EXOC6: variants seen among roughly 807,000 people sequenced by gnomAD.
EXOC6 encodes exocyst complex component 6.
Under a neutral mutation model 112.5 loss-of-function variants are expected in EXOC6, and 60 were observed. That is an observed-to-expected ratio of 0.53 (90% CI 0.43 to 0.66). The LOEUF (loss-of-function observed/expected upper bound fraction) is 0.66. Among genes scored for constraint, EXOC6 ranks in the 30% least tolerant of loss-of-function variants. The pLI, the probability that EXOC6 is intolerant of heterozygous loss-of-function variation, is 0.00. For synonymous variants in EXOC6, 295 were observed against 308.0 expected (o/e 0.96, Z 0.44); for missense variants, 855 against 957.1 (o/e 0.89, Z 1.41).
chr10:92,928,321 C>T lies in EXOC6; in HGVS notation c.889-18C>T, dbSNP rs1413577399. The T allele has an allele frequency of 2.1e-5, 32 of 1,512,568 alleles. No homozygotes were observed. Among genetic ancestry groups the T allele is most frequent in the Non-Finnish European group, 2.8e-5 (31 of 1,092,462 alleles). The allele number at this position is 1,512,568 out of a possible 1,614,324, so 93.7% of individuals were successfully genotyped here. On this transcript the variant is annotated intron_variant, in intron 8 of 21. Transcript: ENST00000260762. ...GTGTGTATGTGTATTTTTCATTACT[C>T]TGCTGATTTTATTTTAGGGTGACGA...
intron 1 of EXOC6, among the ~76,000 whole-genome samples, chr10:92,855,439 G>A (rs1847553995): frequency 6.6e-6 from 1 of 152,086 alleles, no homozygotes; most frequent in Admixed American, 6.5e-5. Flanking sequence ...AATGAGTTAG[G>A]AAGTGTTCGC....
At chr10:92,976,049 G>T (rs866244178) in intron 18 of EXOC6, among the ~76,000 whole-genome samples, 2 of 123,574 alleles carry the variant, frequency 1.6e-5, no homozygotes, top group South Asian at 2.8e-4. Context: ...GGGAGGTGGG[G>T]GGGGGGGTCA....
At chr10:92,967,998 C>T (rs1020592782) in intron 17 of EXOC6, among the ~76,000 whole-genome samples, 4 of 152,028 alleles carry the variant, frequency 2.6e-5, no homozygotes, top group African/African-American at 9.7e-5. Flanking sequence ...TTTTATATTG[C>T]TTTGAGAAAA....
intron 1 of EXOC6, among the ~76,000 whole-genome samples, chr10:92,879,733 A>G (rs980939694): frequency 2.6e-5 from 4 of 152,124 alleles, no homozygotes; most frequent in South Asian, 2.1e-4. Flanking sequence ...ATTTATTGCA[A>G]ATTCAAACAC....
intron 1 of EXOC6, among the ~76,000 whole-genome samples, chr10:92,875,799 T>C (rs1848663838): frequency 6.6e-6 from 1 of 152,142 alleles, no homozygotes; most frequent in African/African-American, 2.4e-5. Flanking sequence ...ACATATTAAA[T>C]GATTACTATT....
chr10:92,943,400 G>A (rs1018225614), intron 13 of EXOC6, among the ~76,000 whole-genome samples: 1 of 151,922 alleles, frequency 6.6e-6, no homozygotes, highest in Non-Finnish European at 1.5e-5. Context: ...ATAGTGAATT[G>A]ACAACCTAAC....
chr10:92,989,238 A>G (rs1487156039), intron 18 of EXOC6, among the ~76,000 whole-genome samples: 1 of 152,220 alleles, frequency 6.6e-6, no homozygotes, highest in Non-Finnish European at 1.5e-5. Context: ...AATGGACAAC[A>G]TGAAGGTCAT....
upstream of EXOC6, among the ~76,000 whole-genome samples, chr10:92,845,768 G>C (rs1847029065): frequency 6.6e-6 from 1 of 150,820 alleles, no homozygotes; most frequent in Non-Finnish European, 1.5e-5. Context: ...GAGAAACCCA[G>C]TCTCTACTAA....
chr10:92,870,896 G>C (rs1237800674), intron 1 of EXOC6, among the ~76,000 whole-genome samples: 1 of 152,040 alleles, frequency 6.6e-6, no homozygotes, highest in African/African-American at 2.4e-5. Context: ...TTGTAGTAGA[G>C]ATGGGGTTTC....
At chr10:93,050,987 A>G (rs909562169) in intron 20 of EXOC6, among the ~76,000 whole-genome samples, 7 of 152,058 alleles carry the variant, frequency 4.6e-5, no homozygotes, top group African/African-American at 7.2e-5. Flanking sequence ...ATTATTAACT[A>G]TGTATTTGAT....
chr10:93,048,551 A>G (rs1256860734), intron 20 of EXOC6, among the ~76,000 whole-genome samples: 1 of 152,070 alleles, frequency 6.6e-6, no homozygotes, highest in Non-Finnish European at 1.5e-5. Flanking sequence ...ACTAACCTGC[A>G]CATTGTGCAC....
At chr10:93,010,628 G>C (rs1023816760) in intron 19 of EXOC6, among the ~76,000 whole-genome samples, 2 of 149,690 alleles carry the variant, frequency 1.3e-5, no homozygotes, top group Non-Finnish European at 3.0e-5. Context: ...GAACCTGGGA[G>C]AAGGAGGTTG....
At position 92,974,171 on chromosome 10, in the gene EXOC6, G is replaced by A; in HGVS notation, c.1892G>A (p.Gly631Asp). Residue 631 changes from glycine (G) to aspartate (D), a missense_variant, in exon 18 of 22, where the codon GGT becomes GAT. Physicochemically the swap from Gly to Asp is moderately conservative, Grantham distance 94 (BLOSUM62 -1). Transcript: ENST00000260762. ...TCTGAGCCAGATGGAAGAGCTAGTG[G>A]TTATTTAATGGACCTTATAAATTTT... ...TMSEPDGRAS[G>D]YLMDLINFLR... 6.3e-7 allele frequency: 1 copy of A among 1,597,982 alleles called. No individual in the cohort carries two copies. Among genetic ancestry groups the A allele is most frequent in the Non-Finnish European group, 8.5e-7 (1 of 1,176,432 alleles).
intron 9 of EXOC6, among the ~76,000 whole-genome samples, chr10:92,930,463 A>C (rs1468299410): frequency 6.6e-6 from 1 of 151,998 alleles, no homozygotes; most frequent in East Asian, 1.9e-4. Context: ...ACATCGCACC[A>C]TTGCACTCCA....
chr10:92,847,736 C>T (rs1034746367), upstream of EXOC6, among the ~76,000 whole-genome samples: 1 of 151,952 alleles, frequency 6.6e-6, no homozygotes. Flanking sequence ...CTGCTGCTAA[C>T]CCCCTTTCAA....
chr10:92,971,251 A>G (rs969900112), intron 17 of EXOC6, among the ~76,000 whole-genome samples: 14 of 151,904 alleles, frequency 9.2e-5, no homozygotes, highest in South Asian at 4.1e-4. Flanking sequence ...TCACCATGTT[A>G]GCCAGGATGG....
intron 19 of EXOC6, among the ~76,000 whole-genome samples, chr10:92,998,665 C>CACACAA (rs397709788): frequency 6.7e-6 from 1 of 148,466 alleles, no homozygotes; most frequent in African/African-American, 2.5e-5. Flanking sequence ...CACACACACA[C>CACACAA]TCCAAAGTTT....
intron 8 of EXOC6, among the ~76,000 whole-genome samples, chr10:92,925,560 G>T (rs1851668355): frequency 6.6e-6 from 1 of 152,168 alleles, no homozygotes; most frequent in Non-Finnish European, 1.5e-5. Flanking sequence ...CTCCCAAAGT[G>T]CTGGGATTAC....
At chr10:92,842,487 A>G (rs1275026737) in intron 1 of EXOC6, among the ~76,000 whole-genome samples, 1 of 151,532 alleles carries the variant, frequency 6.6e-6, no homozygotes, top group Non-Finnish European at 1.5e-5. Context: ...CATTAGCTAC[A>G]TTTCAAATCC....
Sources: gnomAD v4.1 joint callset for allele counts (sites outside exome capture counted in the v4.1 genomes callset) on GRCh38, gnomAD v4.1.1 for gene constraint, MANE v1.5 for transcripts, NCBI Gene and HGNC (gene_info 2026-07-23, HGNC 2026-07-21) for gene names.